Variants in PASD1 observed in about 807,000 individuals in gnomAD.
The protein encoded by PASD1 is circadian clock protein PASD1.
A neutral mutation model predicts 58.8 loss-of-function variants in PASD1; 13 were observed. That is an observed-to-expected ratio of 0.22 (90% CI 0.14 to 0.35). The LOEUF is 0.35. PASD1 is among the 10% of genes least tolerant of loss of function. PASD1 has a pLI of 1.00. For synonymous variants in PASD1, 236 were observed against 216.7 expected (o/e 1.09, Z -0.78); for missense variants, 734 against 568.3 (o/e 1.29, Z -2.96).
chrX:151,621,571 A>T lies in PASD1; in HGVS notation c.397A>T (p.Asn133Tyr). The T allele has an allele frequency of 8.4e-7, 1 of 1,194,166 alleles. No individual in the cohort carries two copies. Among genetic ancestry groups the T allele is most frequent in the East Asian group, 3.0e-5 (1 of 33,572 alleles). ...TTACGAAAACGTGAAATTTATTGTGAATGTAAGAGATATTTGTAATGGTAA... is the reference window on the plus strand; with the variant it reads ...TTACGAAAACGTGAAATTTATTGTGTATGTAAGAGATATTTGTAATGGTAA... ...SAYENVKFIV[N>Y]VRDICNEFPV... The change falls in exon 6 of 16, where the codon AAT becomes TAT. Residue 133 changes from asparagine to tyrosine, a missense_variant. Coordinates refer to ENST00000370357, the MANE Select transcript of PASD1 (RefSeq NM_173493.3).
chrX:151,621,254 A>G (rs1360391782), intron 5 of PASD1, among the ~76,000 whole-genome samples: 3 of 111,654 alleles, frequency 2.7e-5, no homozygotes, highest in Non-Finnish European at 3.8e-5. Flanking sequence ...CATTTGTACA[A>G]TTGCATTAGT....
intron 15 of PASD1, 115 bp downstream of exon 15, chrX:151,674,301 G>T: frequency 1.0e-6 from 1 of 971,301 alleles, no homozygotes; most frequent in South Asian, 2.3e-5. Context: ...AGACTTCAAA[G>T]CTCAGTACAT....
At chrX:151,637,679 A>G (rs1349834735) in intron 8 of PASD1, among the ~76,000 whole-genome samples, 1 of 111,632 alleles carries the variant, frequency 9.0e-6, no homozygotes, top group African/African-American at 3.3e-5. Flanking sequence ...TATGGGAGTT[A>G]TTATTGCTTC....
At chrX:151,573,083 A>C in intron 1 of PASD1, among the ~76,000 whole-genome samples, 1 of 31,125 alleles carries the variant, frequency 3.2e-5, no homozygotes. Flanking sequence ...AAGGCAGGGG[A>C]AGTTTTGGGG....
Position 151,570,506 on chromosome X carries a change from C to G in PASD1, c.-28+6667C>G, listed in dbSNP as rs145060773. ...AAGAAACAAGAAGCCTGGCTCGTTC[C>G]CAGCATTCTAAAGGGGAATGATTGT... On this transcript the variant is annotated intron_variant, in intron 1 of 15. Coordinates refer to ENST00000370357, the MANE Select transcript of PASD1 (RefSeq NM_173493.3). Among the ~76,000 whole-genome samples, 26 of 112,315 alleles carry G rather than the reference C, an allele frequency of 2.3e-4. 1 individual carries two copies. In the East Asian group the frequency reaches 7.3e-3, roughly 31 times the overall value.
intron 6 of PASD1, among the ~76,000 whole-genome samples, chrX:151,622,507 CTGATA>C (rs901341645): frequency 7.3e-5 from 8 of 109,136 alleles, no homozygotes; most frequent in African/African-American, 2.3e-4. Context: ...CAAAAGGTGG[CTGATA>C]TATTTGTCAT....
In PASD1 at chrX:151,604,665, C is replaced by T. The variant is rs201872386; in HGVS notation, c.48C>T (p.Ser16=). Residue 16 remains serine (S), a synonymous_variant, in exon 3 of 16, where the codon AGC becomes AGT. Coordinates refer to ENST00000370357, the MANE Select transcript of PASD1 (RefSeq NM_173493.3). ...EKRRDKVNPK[S]SQRKLNWIPS... is the part of the protein sequence containing the mutation. ...AAAAAGACAAAGTCAATCCAAAAAG[C>T]TCTCAAAGGAAATTAAACTGGATTC... The T allele has an allele frequency of 4.3e-5, 52 of 1,204,048 alleles. No individual in the cohort carries two copies. The highest frequency in any genetic ancestry group is 5.7e-5 in the Non-Finnish European group (51 of 890,808).
chrX:151,619,938 T>A (rs1463555157), intron 4 of PASD1, among the ~76,000 whole-genome samples: 1 of 111,662 alleles, frequency 9.0e-6, no homozygotes, highest in East Asian at 2.8e-4. Flanking sequence ...TTCCTGATTA[T>A]TTTTAAAATT....
intron 11 of PASD1, among the ~76,000 whole-genome samples, chrX:151,669,000 C>CT (rs2014426338): frequency 1.8e-5 from 2 of 108,192 alleles, no homozygotes; most frequent in Admixed American, 1.0e-4. Flanking sequence ...CGTCAGCCTC[C>CT]TGAGTACCTG....
At chrX:151,605,118 A>G (rs2013471474) in intron 3 of PASD1, among the ~76,000 whole-genome samples, 1 of 111,756 alleles carries the variant, frequency 8.9e-6, no homozygotes, top group South Asian at 3.8e-4. Context: ...AGGTGTTTAT[A>G]GTTTCTGTCT....
intron 9 of PASD1, among the ~76,000 whole-genome samples, chrX:151,650,118 AC>A (rs1249862326): frequency 1.8e-5 from 2 of 111,847 alleles, no homozygotes; most frequent in Non-Finnish European, 3.8e-5. Context: ...CTGTTTACAC[AC>A]AAACTAATTA....
At chrX:151,663,518 G>T (rs1194121157) in intron 10 of PASD1, among the ~76,000 whole-genome samples, 2 of 112,487 alleles carry the variant, frequency 1.8e-5, no homozygotes, top group African/African-American at 6.5e-5. Context: ...AAACATTTGC[G>T]TAGAAGTTTT....
intron 4 of PASD1, among the ~76,000 whole-genome samples, chrX:151,615,121 T>C (rs965229586): frequency 1.8e-5 from 2 of 112,035 alleles, no homozygotes; most frequent in African/African-American, 6.5e-5. Context: ...CAAATTCTTG[T>C]GGCATCAGAT....
intron 10 of PASD1, 118 bp downstream of exon 10, chrX:151,659,954 A>G: frequency 1.5e-6 from 1 of 654,288 alleles, no homozygotes; most frequent in Non-Finnish European, 2.1e-6. Context: ...CCCAGAGTGA[A>G]TTCCAACTTT....
At chrX:151,661,791 A>T (rs1444173246) in intron 10 of PASD1, among the ~76,000 whole-genome samples, 1 of 108,924 alleles carries the variant, frequency 9.2e-6, no homozygotes, top group Non-Finnish European at 1.9e-5. Context: ...CTTTTGAAGG[A>T]TATGGGCCAG....
intron 13 of PASD1, 84 bp from the exon 14 acceptor site, chrX:151,672,099 G>T: frequency 9.1e-7 from 1 of 1,101,517 alleles, no homozygotes; most frequent in South Asian, 2.4e-5. Flanking sequence ...TTTGCTTTGC[G>T]AGAATTGAAT....
At chrX:151,579,435 A>C (rs1194510926) in intron 1 of PASD1, among the ~76,000 whole-genome samples, 1 of 112,094 alleles carries the variant, frequency 8.9e-6, no homozygotes, top group African/African-American at 3.2e-5. Flanking sequence ...ACTGTTATGC[A>C]GATCTGTAGA....
intron 11 of PASD1, among the ~76,000 whole-genome samples, chrX:151,667,335 T>A (rs1161684259): frequency 1.8e-5 from 2 of 111,878 alleles, no homozygotes; most frequent in South Asian, 7.5e-4. Context: ...GTAGGTTGCC[T>A]GTTCACTCTG....
chrX:151,628,184 T>A (rs762307064), intron 8 of PASD1, among the ~76,000 whole-genome samples: 1 of 111,457 alleles, frequency 9.0e-6, no homozygotes, highest in African/African-American at 3.3e-5. Flanking sequence ...TAGTTTCTTT[T>A]GCTGTGCAGA....
Sources: gnomAD v4.1 joint callset for allele counts (sites outside exome capture counted in the v4.1 genomes callset) on GRCh38, gnomAD v4.1.1 for gene constraint, MANE v1.5 for transcripts, NCBI Gene and HGNC (gene_info 2026-07-23, HGNC 2026-07-21) for gene names.